The following PCDH19 variants were observed in gnomAD, a reference collection of about 807,000 sequenced individuals.
The protein encoded by PCDH19 is protocadherin 19.
A neutral mutation model predicts 46.2 loss-of-function variants in PCDH19; 6 were observed. The ratio of observed to expected loss-of-function variants is 0.13; its 90% CI spans 0.07 to 0.26. The LOEUF is 0.26. PCDH19 is among the 10% of genes least tolerant of loss of function. The probability of loss-of-function intolerance (pLI) is 1.00; values close to 1 mark genes in which losing one functional copy is unlikely to be tolerated. For missense variants in PCDH19, 740 were observed against 972.3 expected, an observed-to-expected ratio of 0.76 and a Z score of 3.18; for synonymous variants, 481 against 415.7, an observed-to-expected ratio of 1.16 and a Z score of -1.91.
rs188381025 is a variant in PCDH19, at chrX:100,391,513, C to A, written c.2616+11011G>T. ...TTGTTTCACCTGCCATAGCTAAGTCCTCTGCCTTCAATACCACCTACAGAG... is the reference window on the plus strand; with the variant it reads ...TTGTTTCACCTGCCATAGCTAAGTCATCTGCCTTCAATACCACCTACAGAG... On this transcript the variant is annotated intron_variant, in intron 3 of 5. Transcript: ENST00000373034. Among the ~76,000 whole-genome samples, 427 of 112,073 alleles carry A rather than the reference C, an allele frequency of 3.8e-3. 2 individuals are homozygous for A. The highest frequency in any genetic ancestry group is 0.013 in the African/African-American group (410 of 30,828).
At chrX:100,368,445 G>A (rs1273696760) in intron 3 of PCDH19, among the ~76,000 whole-genome samples, 2 of 111,656 alleles carry the variant, frequency 1.8e-5, no homozygotes, top group Admixed American at 9.5e-5. Context: ...CACTTGGTGG[G>A]GAGCAGAGAG....
chrX:100,333,203 A>C (rs545166239), intron 5 of PCDH19, among the ~76,000 whole-genome samples: 1 of 79,735 alleles, frequency 1.3e-5, no homozygotes, highest in Admixed American at 1.3e-4. Context: ...GAAAGAAAGA[A>C]AGAAAGAAAG....
chrX:100,344,432 G>A (rs764288679), intron 4 of PCDH19, among the ~76,000 whole-genome samples: 1 of 111,098 alleles, frequency 9.0e-6, no homozygotes, highest in South Asian at 3.9e-4. Flanking sequence ...TTAAATAGAT[G>A]TAAAGTTTGT....
In PCDH19 at chrX:100,407,528, T is replaced by C. The variant is rs1223123690; in HGVS notation, c.1070A>G (p.Glu357Gly). 1.7e-6 allele frequency: 2 copies of C among 1,211,129 alleles called. No homozygotes were observed. Among genetic ancestry groups the C allele is most frequent in the Middle Eastern group, 2.3e-4 (1 of 4,355 alleles). The change falls in exon 1 of 6, where the codon GAG (glutamate) becomes GGG (glycine). Residue 357 changes from glutamate (E) to glycine (G), a missense_variant. This residue lies in a region of PCDH19 where 186 missense variants were observed against 319.9 expected (regional missense o/e 0.58). Coordinates refer to ENST00000373034, the MANE Select transcript of PCDH19 (RefSeq NM_001184880.2). The stretch of plus-strand genomic sequence containing the variant: ...GCCCGGGGGGGCGCTCTCGCTGACC[T>C]CCACAAGCTCACTGTTGACTGACAG... Reference protein sequence around the residue: ...NLLSVNSELVEVSESAPPGYV... With the variant: ...NLLSVNSELVGVSESAPPGYV...
intron 4 of PCDH19, among the ~76,000 whole-genome samples, chrX:100,345,185 G>A (rs1926362674): frequency 9.0e-6 from 1 of 111,047 alleles, no homozygotes; most frequent in African/African-American, 3.3e-5. Flanking sequence ...CTCCATAAAT[G>A]GTTATTGTTT....
chrX:100,387,065 C>T (rs767461675), intron 3 of PCDH19, among the ~76,000 whole-genome samples: 1 of 111,146 alleles, frequency 9.0e-6, no homozygotes, highest in East Asian at 2.8e-4. Context: ...GTTTTTTTTC[C>T]ATGAGAATTT....
intron 5 of PCDH19, among the ~76,000 whole-genome samples, chrX:100,323,361 C>T (rs1443573124): frequency 8.9e-6 from 1 of 111,736 alleles, no homozygotes; most frequent in East Asian, 2.8e-4. Context: ...GGCAGTAACC[C>T]TTTCATAACA....
intron 3 of PCDH19, among the ~76,000 whole-genome samples, chrX:100,388,362 G>C (rs1162168887): frequency 9.1e-6 from 1 of 110,182 alleles, no homozygotes; most frequent in Non-Finnish European, 1.9e-5. Flanking sequence ...GTTATTTTCT[G>C]ATTTTTTCAA....
chrX:100,322,920 C>T (rs1925566002), intron 5 of PCDH19, among the ~76,000 whole-genome samples: 1 of 95,659 alleles, frequency 1.0e-5, no homozygotes, highest in Non-Finnish European at 2.0e-5. Flanking sequence ...TCAACTTGGT[C>T]GCTGTTGTGG....
At chrX:100,300,913 C>A (rs377664527) in intron 5 of PCDH19, among the ~76,000 whole-genome samples, 561 of 82,741 alleles carry the variant, frequency 6.8e-3, no homozygotes, top group East Asian at 8.7e-3. Context: ...AACCCCTGGC[C>A]AAAAAAAAAA....
Position 100,294,119 on chromosome X carries a change from A to G in PCDH19, c.*2158T>C, listed in dbSNP as rs1924516330. ...GCAGCCATCATAACTTAAAGGGGAA[A>G]TTTTTAAAAAATTTTTAATGTGTTA... is the stretch of plus-strand genomic sequence containing the variant. On this transcript the variant is annotated 3_prime_UTR_variant, in exon 6 of 6. Transcript: ENST00000373034. 1 of 112,242 alleles carries G rather than the reference A, an allele frequency of 8.9e-6. No homozygotes were observed. The highest frequency in any genetic ancestry group is 3.2e-5 in the African/African-American group (1 of 30,812). The allele number at this position is 112,242 out of a possible 1,213,427, so 9.3% of individuals were successfully genotyped here.
At chrX:100,369,996 A>T (rs1395200448) in intron 3 of PCDH19, among the ~76,000 whole-genome samples, 1 of 111,867 alleles carries the variant, frequency 8.9e-6, no homozygotes, top group East Asian at 2.8e-4. Context: ...CCATTTCGGC[A>T]TCACCAGCTC....
Position 100,322,856 on chromosome X carries a change from TATATA to T in PCDH19, c.2848+19042_2848+19046del, listed in dbSNP as rs1178993683. On this transcript the variant is annotated intron_variant, in intron 5 of 5. Transcript: ENST00000373034. ...AAGTATATATATATATATATATATA[TATATA>T]TATATTTTTGCAGCTATTGTAAAAG... 9.0e-3 allele frequency among the ~76,000 whole-genome samples: 556 copies of T among 61,666 alleles called. 40 individuals are homozygous for T. Among genetic ancestry groups the T allele is most frequent in the African/African-American group, 0.037 (525 of 14,217 alleles). 53.5% of individuals were successfully genotyped at this position (61,666 alleles called of 115,157 possible).
At chrX:100,323,424 CA>C (rs1925584021) in intron 5 of PCDH19, among the ~76,000 whole-genome samples, 1 of 111,805 alleles carries the variant, frequency 8.9e-6, no homozygotes, top group Non-Finnish European at 1.9e-5. Context: ...AAATGGAAAG[CA>C]GAACAATGCC....
At chrX:100,301,737 CT>C (rs1924788245) in intron 5 of PCDH19, among the ~76,000 whole-genome samples, 1 of 112,008 alleles carries the variant, frequency 8.9e-6, no homozygotes, top group Non-Finnish European at 1.9e-5. Flanking sequence ...TCACATGTGC[CT>C]AATCGAGGAA....
At chrX:100,401,455 C>A (rs1264533827) in intron 3 of PCDH19, among the ~76,000 whole-genome samples, 2 of 111,324 alleles carry the variant, frequency 1.8e-5, no homozygotes, top group Non-Finnish European at 3.8e-5. Flanking sequence ...GAGTTTGAGA[C>A]CAGCCTGACC....
At chrX:100,399,876 T>C (rs1183953156) in intron 3 of PCDH19, among the ~76,000 whole-genome samples, 1 of 112,100 alleles carries the variant, frequency 8.9e-6, no homozygotes, top group Non-Finnish European at 1.9e-5. Context: ...AGAACTGAGA[T>C]TTTAAACGGC....
Position 100,292,526 on chromosome X carries a change from C to T in PCDH19, c.*3751G>A, listed in dbSNP as rs1007011272. On this transcript the variant is annotated 3_prime_UTR_variant, in exon 6 of 6. Coordinates refer to ENST00000373034, the MANE Select transcript of PCDH19 (RefSeq NM_001184880.2). ...AGCCAATTCCAGCGGCACAAGAAAA[C>T]GAAGAGAGCTGCAACAACTTCATTA... The T allele has an allele frequency of 1.8e-5, 2 of 112,304 alleles. No homozygotes were observed. The highest frequency in any genetic ancestry group is 2.8e-4 in the East Asian group (1 of 3,576). The allele number at this position is 112,304 out of a possible 1,213,427, so 9.3% of individuals were successfully genotyped here.
At chrX:100,365,805 T>C (rs1390237909) in intron 3 of PCDH19, among the ~76,000 whole-genome samples, 3 of 111,999 alleles carry the variant, frequency 2.7e-5, no homozygotes, top group Non-Finnish European at 5.6e-5. Context: ...CAGCTGGTTA[T>C]TGGAAACTCA....
Sources: gnomAD v4.1 joint callset for allele counts (sites outside exome capture counted in the v4.1 genomes callset) on GRCh38, gnomAD v4.1.1 for gene constraint, gnomAD v4.1.1 regional missense constraint, MANE v1.5 for transcripts, NCBI Gene and HGNC (gene_info 2026-07-23, HGNC 2026-07-21) for gene names.